Variants in SPOP observed in about 807,000 individuals in gnomAD.
The protein encoded by SPOP is speckle-type POZ protein.
Under a neutral mutation model 45.6 loss-of-function variants are expected in SPOP, and 11 were observed. The observed-to-expected ratio is 0.24, with a 90% CI of 0.15 to 0.40. The LOEUF (loss-of-function observed/expected upper bound fraction) is 0.40. Among genes scored for constraint, SPOP ranks in the 10% least tolerant of loss-of-function variants. The probability of loss-of-function intolerance (pLI) is 1.00; values close to 1 mark genes in which losing one functional copy is unlikely to be tolerated. For missense variants in SPOP, 152 were observed against 465.6 expected (o/e 0.33, Z 6.20); for synonymous variants, 166 against 166.3 (o/e 1.00, Z 0.01).
At chr17:49,659,460 CT>C (rs1424120717) in intron 1 of SPOP, among the ~76,000 whole-genome samples, 1 of 152,160 alleles carries the variant, frequency 6.6e-6, no homozygotes, top group East Asian at 1.9e-4. Flanking sequence ...CATTCCTTGC[CT>C]ATTGTCCACC....
At chr17:49,613,976 G>A (rs1252931580) in intron 5 of SPOP, among the ~76,000 whole-genome samples, 2 of 152,136 alleles carry the variant, frequency 1.3e-5, no homozygotes, top group Non-Finnish European at 2.9e-5. Context: ...ATGACTGCAT[G>A]AAAATGTCTC....
At chr17:49,621,264 T>A (rs968064339) in intron 3 of SPOP, among the ~76,000 whole-genome samples, 1 of 152,230 alleles carries the variant, frequency 6.6e-6, no homozygotes, top group African/African-American at 2.4e-5. Context: ...AGACTTTTGC[T>A]AGCATGTAGT....
intron 6 of SPOP, among the ~76,000 whole-genome samples, chr17:49,610,466 G>A (rs1436781634): frequency 6.6e-5 from 10 of 152,100 alleles, no homozygotes; most frequent in Non-Finnish European, 1.2e-4. Flanking sequence ...TGATCCACCC[G>A]CCTCAGCCTC....
chr17:49,634,102 G>A (rs2072501235), intron 1 of SPOP, among the ~76,000 whole-genome samples: 1 of 152,050 alleles, frequency 6.6e-6, no homozygotes, highest in African/African-American at 2.4e-5. Context: ...TGGAAGGACA[G>A]GAATCCGAAT....
chr17:49,643,236 A>G (rs1355869499), intron 1 of SPOP, among the ~76,000 whole-genome samples: 1 of 152,246 alleles, frequency 6.6e-6, no homozygotes, highest in Non-Finnish European at 1.5e-5. Flanking sequence ...GAAGAGTAAC[A>G]GTTTTCATTT....
At chr17:49,626,623 G>T (rs923111582) in intron 1 of SPOP, among the ~76,000 whole-genome samples, 1 of 151,988 alleles carries the variant, frequency 6.6e-6, no homozygotes, top group Non-Finnish European at 1.5e-5. Flanking sequence ...GAACCCAGGA[G>T]GTGGAGGTGG....
At chr17:49,621,654 C>T (rs1191420273) in intron 3 of SPOP, among the ~76,000 whole-genome samples, 1 of 152,224 alleles carries the variant, frequency 6.6e-6, no homozygotes, top group African/African-American at 2.4e-5. Flanking sequence ...GCCAAGCAGT[C>T]ACCAGTCATT....
At chr17:49,611,481 G>A in intron 5 of SPOP, 24 bp from the exon 6 acceptor site, 1 of 1,609,762 alleles carries the variant, frequency 6.2e-7, no homozygotes, top group Admixed American at 1.7e-5. Context: ...GGAAACACAA[G>A]CCAAGCTTTT....
chr17:49,612,996 A>C (rs1389583647), intron 5 of SPOP: 1 of 152,200 alleles, frequency 6.6e-6, no homozygotes, highest in Non-Finnish European at 1.5e-5. Flanking sequence ...CATTTGTTTA[A>C]AACTAGCTGT....
intron 1 of SPOP, among the ~76,000 whole-genome samples, chr17:49,677,029 C>G (rs778786988): frequency 6.6e-6 from 1 of 151,964 alleles, no homozygotes; most frequent in Non-Finnish European, 1.5e-5. Flanking sequence ...AGATCTTTGA[C>G]CAAAAAAAAG....
Position 49,599,279 on chromosome 17 carries a change from C to T in SPOP, c.*1099G>A. On this transcript the variant is annotated 3_prime_UTR_variant, in exon 10 of 10. Transcript: ENST00000504102. ...GTGAAACAAAAGACCAGAGATACCACACAGTACAAAATAGTAATTATTTAT... is the reference window on the plus strand; with the variant it reads ...GTGAAACAAAAGACCAGAGATACCATACAGTACAAAATAGTAATTATTTAT... 1 of 219,488 alleles carries T rather than the reference C, an allele frequency of 4.6e-6. No individual in the cohort carries two copies. Among genetic ancestry groups the T allele is most frequent in the Non-Finnish European group, 9.1e-6 (1 of 109,750 alleles). The allele number at this position is 219,488 out of a possible 1,614,324, so 13.6% of individuals were successfully genotyped here.
At chr17:49,607,421 CCTAAA>C (rs1346827808) in intron 7 of SPOP, 49 bp from the exon 8 acceptor site, 36 of 1,584,546 alleles carry the variant, frequency 2.3e-5, no homozygotes, top group Non-Finnish European at 3.0e-5. Context: ...GAACAAAATC[CCTAAA>C]CTAAACTATT....
chr17:49,677,556 C>A (rs1245520263), intron 1 of SPOP, among the ~76,000 whole-genome samples: 2 of 152,246 alleles, frequency 1.3e-5, no homozygotes, highest in African/African-American at 4.8e-5. Flanking sequence ...CCTGCAACAC[C>A]GCGATGCGCA....
rs2072159012 is a variant in SPOP at position 49,619,127 on chromosome 17, A to AAG, written c.353-21_353-20dup. ...TGACTCTCTGGGGTGGGGAAAAAAA[A>AAG]AGTCATATTTAAGGTTACGCAAAAA... On this transcript the variant is annotated intron_variant, in intron 4 of 9. Transcript: ENST00000504102. This position sits in a 1 kb window ranked among gnomAD's most constrained non-coding sequence, Gnocchi z 4.9. 6.2e-7 allele frequency: 1 copy of AAG among 1,613,382 alleles called. No homozygotes were observed. Among genetic ancestry groups the AAG allele is most frequent in the African/African-American group, 1.3e-5 (1 of 74,902 alleles).
chr17:49,665,694 A>ACACACACACACC (rs1225412700), intron 1 of SPOP, among the ~76,000 whole-genome samples: 1 of 142,084 alleles, frequency 7.0e-6, no homozygotes, highest in Non-Finnish European at 1.5e-5. Flanking sequence ...ACACACACAC[A>ACACACACACACC]CCAATCTGGC....
intron 1 of SPOP, among the ~76,000 whole-genome samples, chr17:49,672,100 A>G (rs2073143488): frequency 6.6e-6 from 1 of 152,182 alleles, no homozygotes; most frequent in Non-Finnish European, 1.5e-5. Context: ...AGATCGCTCC[A>G]CTGCACTCCA....
chr17:49,623,478 G>A (rs1473231875), intron 1 of SPOP, among the ~76,000 whole-genome samples: 1 of 152,142 alleles, frequency 6.6e-6, no homozygotes, highest in Non-Finnish European at 1.5e-5. Context: ...GCCTGAAGAG[G>A]AGACAGCATC....
intron 1 of SPOP, among the ~76,000 whole-genome samples, chr17:49,645,872 GTT>G (rs2072749051): frequency 6.6e-6 from 1 of 150,994 alleles, no homozygotes; most frequent in Non-Finnish European, 1.5e-5. Context: ...CCAACCTGTT[GTT>G]GTTTTTTTTT....
intron 8 of SPOP, among the ~76,000 whole-genome samples, chr17:49,606,724 A>G (rs1183984573): frequency 6.6e-6 from 1 of 151,582 alleles, no homozygotes; most frequent in South Asian, 2.1e-4. Flanking sequence ...CAAACTCCTG[A>G]GCTCAGGTGA....
Sources: allele counts gnomAD v4.1 joint callset (sites outside exome capture counted in the v4.1 genomes callset), GRCh38; gene constraint gnomAD v4.1.1; non-coding constraint Gnocchi (gnomAD v3.1); transcripts MANE v1.5; gene names NCBI Gene and HGNC (gene_info 2026-07-23, HGNC 2026-07-21).